The following PPFIA2 variants were observed in gnomAD, a reference collection of about 807,000 sequenced individuals.
The protein encoded by PPFIA2 is PPFI scaffold protein A2.
In PPFIA2, 46 loss-of-function variants were observed where a neutral mutation model predicts 175.5. The ratio of observed to expected loss-of-function variants is 0.26; its 90% confidence interval spans 0.21 to 0.34. The LOEUF (loss-of-function observed/expected upper bound fraction) is 0.34, where lower values mean the gene tolerates loss of function less well. Ranked by LOEUF, PPFIA2 falls within the 10% of genes least tolerant of loss-of-function variation. PPFIA2 has a pLI of 1.00. For synonymous variants in PPFIA2, 568 were observed against 511.4 expected, an observed-to-expected ratio of 1.11 and a Z score of -1.49; for missense variants, 1,179 against 1,506.1, an observed-to-expected ratio of 0.78 and a Z score of 3.60.
intron 4 of PPFIA2, among the ~76,000 whole-genome samples, chr12:81,666,488 A>G (rs1471593152): frequency 6.6e-6 from 1 of 152,200 alleles, no homozygotes; most frequent in South Asian, 2.1e-4. Context: ...GGAAACCATC[A>G]TTCTCAGCAA....
intron 3 of PPFIA2, among the ~76,000 whole-genome samples, chr12:81,683,349 AAT>A (rs34094230): frequency 0.88 from 131,426 of 149,810 alleles, 57,745 homozygotes; most frequent in East Asian, 0.97. Context: ...TGAAAAAAAT[AAT>A]ATATATATAT....
intron 3 of PPFIA2, among the ~76,000 whole-genome samples, chr12:81,709,056 C>T (rs1287446332): frequency 2.0e-5 from 3 of 151,964 alleles, no homozygotes; most frequent in Non-Finnish European, 4.4e-5. Flanking sequence ...AATTAATAAC[C>T]TACCAGAGCC....
chr12:81,707,761 T>C (rs2077379452), intron 3 of PPFIA2, among the ~76,000 whole-genome samples: 1 of 151,398 alleles, frequency 6.6e-6, no homozygotes, highest in Admixed American at 6.6e-5. Context: ...AGCAAAGACT[T>C]GGAACCAATC....
intron 4 of PPFIA2, among the ~76,000 whole-genome samples, chr12:81,510,977 C>T (rs922167682): frequency 2.0e-5 from 3 of 151,972 alleles, no homozygotes; most frequent in African/African-American, 7.2e-5. Flanking sequence ...CATCTTTATC[C>T]TTTCCTTAAT....
chr12:81,481,489 C>T (rs764773731), intron 4 of PPFIA2, among the ~76,000 whole-genome samples: 16 of 152,204 alleles, frequency 1.1e-4, no homozygotes, highest in African/African-American at 2.2e-4. Flanking sequence ...TGACTGCAAA[C>T]GATGCTACAA....
intron 3 of PPFIA2, among the ~76,000 whole-genome samples, chr12:81,726,460 C>A (rs2080089703): frequency 6.6e-6 from 1 of 151,292 alleles, no homozygotes; most frequent in African/African-American, 2.4e-5. Context: ...TACTCCTCTT[C>A]TTTTAAAGTC....
intron 4 of PPFIA2, among the ~76,000 whole-genome samples, chr12:81,556,447 A>G (rs1444615807): frequency 2.0e-5 from 3 of 151,806 alleles, no homozygotes; most frequent in Non-Finnish European, 2.9e-5. Context: ...CCCTTTTTTC[A>G]TGCACATTAG....
chr12:81,696,188 G>A (rs1042180055), intron 3 of PPFIA2, among the ~76,000 whole-genome samples: 1 of 152,100 alleles, frequency 6.6e-6, no homozygotes, highest in African/African-American at 2.4e-5. Context: ...ATGATTCTTG[G>A]GAAGGTAAAT....
At chr12:81,664,891 C>G (rs904081864) in intron 4 of PPFIA2, among the ~76,000 whole-genome samples, 23 of 152,134 alleles carry the variant, frequency 1.5e-4, no homozygotes, top group African/African-American at 5.6e-4. Flanking sequence ...TTTGTAGGGA[C>G]ATGGATGAAG....
At chr12:81,417,298 C>A (rs181373414) in intron 7 of PPFIA2, 6 of 151,702 alleles carry the variant, frequency 4.0e-5, no homozygotes, top group Admixed American at 2.6e-4. Context: ...CTTCCTCTAG[C>A]ATCATGAAAT....
chr12:81,317,510 AT>A (rs5799521), intron 22 of PPFIA2, among the ~76,000 whole-genome samples: 1 of 150,930 alleles, frequency 6.6e-6, no homozygotes, highest in Non-Finnish European at 1.5e-5. Context: ...GATTTGAGAG[AT>A]TTTTTTTAAA....
intron 15 of PPFIA2, among the ~76,000 whole-genome samples, chr12:81,359,249 A>T (rs1183284686): frequency 6.6e-6 from 1 of 152,028 alleles, no homozygotes; most frequent in Non-Finnish European, 1.5e-5. Flanking sequence ...ATCTGGTAAC[A>T]TTAAAAAGGG....
chr12:81,585,213 G>A (rs2075141598), intron 4 of PPFIA2, among the ~76,000 whole-genome samples: 1 of 149,674 alleles, frequency 6.7e-6, no homozygotes, highest in African/African-American at 2.4e-5. Flanking sequence ...TGAGTGAGTG[G>A]TTGGTGAATG....
rs10862279 is a variant in PPFIA2 at position 81,285,818 on chromosome 12, A to C, written c.2926-1515T>G. 3.7e-3 allele frequency among the ~76,000 whole-genome samples: 566 copies of C among 152,012 alleles called. 6 individuals carry two copies. The highest frequency in any genetic ancestry group is 0.013 in the African/African-American group (532 of 41,464). On this transcript the variant is annotated intron_variant, in intron 24 of 32. Coordinates refer to ENST00000549396, the MANE Select transcript of PPFIA2 (RefSeq NM_003625.5). ...ATGTATTTACCACACCATGATTTTTAAATCATTATTTTACAGTGTACTCCC... is the reference window on the plus strand; with the variant it reads ...ATGTATTTACCACACCATGATTTTTCAATCATTATTTTACAGTGTACTCCC...
At chr12:81,332,023 T>C (rs574426821) in intron 21 of PPFIA2, among the ~76,000 whole-genome samples, 25 of 152,240 alleles carry the variant, frequency 1.6e-4, no homozygotes, top group African/African-American at 6.0e-4. Context: ...TCCCTAGAAA[T>C]AGTAAATGTT....
At chr12:81,502,708 C>T (rs551489847) in intron 4 of PPFIA2, among the ~76,000 whole-genome samples, 9 of 152,290 alleles carry the variant, frequency 5.9e-5, no homozygotes, top group African/African-American at 2.2e-4. Context: ...GAAAAAATAA[C>T]ATTGAGCAGA....
At position 81,752,906 on chromosome 12, in the gene PPFIA2, C is replaced by T. The variant is rs547362544; in HGVS notation, c.249+1067G>A. On this transcript the variant is annotated intron_variant, in intron 3 of 32. Transcript: ENST00000549396. The stretch of plus-strand genomic sequence containing the variant: ...AATCCCATTCATTTTTATGTTTCTT[C>T]TCATACCTAAAAGAGGCACAATTAT... 6.6e-4 allele frequency among the ~76,000 whole-genome samples: 100 copies of T among 151,000 alleles called. 1 individual carries two copies. Among genetic ancestry groups the T allele is most frequent in the Admixed American group, 1.9e-3 (28 of 15,068 alleles).
chr12:81,726,324 G>A (rs2080070681), intron 3 of PPFIA2, among the ~76,000 whole-genome samples: 1 of 151,084 alleles, frequency 6.6e-6, no homozygotes. Context: ...CCTGATATCT[G>A]TCTGGAGGAA....
intron 2 of PPFIA2, among the ~76,000 whole-genome samples, chr12:81,755,407 T>C (rs1468152805): frequency 6.6e-6 from 1 of 152,180 alleles, no homozygotes. Context: ...AAGGCAGGTT[T>C]GGCTGTTGAT....
Sources: gnomAD v4.1 joint callset for allele counts (sites outside exome capture counted in the v4.1 genomes callset) on GRCh38, gnomAD v4.1.1 for gene constraint, MANE v1.5 for transcripts, NCBI Gene and HGNC (gene_info 2026-07-23, HGNC 2026-07-21) for gene names.